Variants in CDS1 observed in about 807,000 individuals in gnomAD.
The protein encoded by CDS1 is CDP-diacylglycerol synthase 1.
A neutral mutation model predicts 62.1 loss-of-function variants in CDS1; 41 were observed. That is an observed-to-expected ratio of 0.66 (90% CI 0.51 to 0.86). CDS1 has a LOEUF of 0.86. Ranked by LOEUF, CDS1 falls within the 40% of genes least tolerant of loss-of-function variation. The pLI, the probability that CDS1 is intolerant of heterozygous loss-of-function variation, is 0.00. For missense variants in CDS1, 470 were observed against 550.1 expected (o/e 0.85, Z 1.46); for synonymous variants, 185 against 192.6 (o/e 0.96, Z 0.32).
rs568365631 is a variant in CDS1 at position 84,605,889 on chromosome 4, G to A, written c.245+1519G>A. ...CAGGTATATAAATGTGGAAACGTAG[G>A]CAGATATTATATATCAAGGGTCATG... On this transcript the variant is annotated intron_variant, in intron 2 of 12. Transcript: ENST00000295887. Among the ~76,000 whole-genome samples the A allele has an allele frequency of 3.3e-5, 5 of 152,154 alleles. No homozygotes were observed. The South Asian group carries it at 8.3e-4, about 25-fold the overall frequency.
At chr4:84,593,571 C>G (rs921273322) in intron 1 of CDS1, among the ~76,000 whole-genome samples, 9 of 151,784 alleles carry the variant, frequency 5.9e-5, no homozygotes, top group African/African-American at 1.9e-4. Context: ...GTGGCACAAT[C>G]TTGGCTCACT....
At chr4:84,645,178 G>C (rs755350972) in intron 11 of CDS1, 44 bp from the exon 12 acceptor site, 21 of 1,240,134 alleles carry the variant, frequency 1.7e-5, no homozygotes, top group Non-Finnish European at 2.4e-5. Context: ...TTTATAGCAG[G>C]TGATTTTTTG....
chr4:84,616,849 G>T (rs1158710119), intron 3 of CDS1, among the ~76,000 whole-genome samples: 2 of 152,200 alleles, frequency 1.3e-5, no homozygotes, highest in Non-Finnish European at 2.9e-5. Flanking sequence ...ATCAAAAAGG[G>T]ATTTATAAAT....
intron 1 of CDS1, among the ~76,000 whole-genome samples, chr4:84,590,891 T>C (rs939837702): frequency 2.0e-5 from 3 of 152,198 alleles, no homozygotes; most frequent in African/African-American, 7.2e-5. Flanking sequence ...ATTTTATGGC[T>C]ACATGGTATC....
intron 1 of CDS1, among the ~76,000 whole-genome samples, chr4:84,592,517 A>G (rs557624431): frequency 4.0e-4 from 61 of 152,248 alleles, no homozygotes; most frequent in African/African-American, 1.4e-3. Flanking sequence ...CAAGTTTATT[A>G]TGTAAGTATT....
intron 5 of CDS1, among the ~76,000 whole-genome samples, chr4:84,620,039 A>G (rs1723629151): frequency 6.6e-6 from 1 of 151,168 alleles, no homozygotes; most frequent in Non-Finnish European, 1.5e-5. Flanking sequence ...AAAAAAAAAA[A>G]AAGAAAGAAT....
intron 4 of CDS1, among the ~76,000 whole-genome samples, chr4:84,618,228 A>G (rs1030074882): frequency 9.2e-5 from 14 of 152,206 alleles, no homozygotes; most frequent in African/African-American, 3.4e-4. Context: ...CATCCTTTTT[A>G]ATATAGTTGA....
At chr4:84,608,020 A>C (rs2110050466) in intron 2 of CDS1, among the ~76,000 whole-genome samples, 1 of 152,246 alleles carries the variant, frequency 6.6e-6, no homozygotes, top group East Asian at 1.9e-4. Context: ...ATGGGGATGA[A>C]GTGTGAGGCT....
intron 1 of CDS1, among the ~76,000 whole-genome samples, chr4:84,596,248 T>C (rs1441595480): frequency 2.6e-5 from 4 of 152,166 alleles, no homozygotes; most frequent in Non-Finnish European, 4.4e-5. Context: ...TAGCTTCTGA[T>C]TGCTGCTAAA....
At chr4:84,584,917 C>A (rs1205344819) in intron 1 of CDS1, among the ~76,000 whole-genome samples, 2 of 152,220 alleles carry the variant, frequency 1.3e-5, no homozygotes, top group East Asian at 3.9e-4. Context: ...GGAAACTAGA[C>A]CCAAAATAGA....
At chr4:84,612,017 C>G (rs2110054859) in intron 3 of CDS1, among the ~76,000 whole-genome samples, 1 of 151,956 alleles carries the variant, frequency 6.6e-6, no homozygotes, top group East Asian at 2.0e-4. Context: ...GCAAGGAGTT[C>G]CACAAGTCTT....
At chr4:84,631,141 G>A (rs1372438810) in intron 5 of CDS1, among the ~76,000 whole-genome samples, 4 of 152,090 alleles carry the variant, frequency 2.6e-5, no homozygotes, top group Non-Finnish European at 5.9e-5. Context: ...ATTGCAAATT[G>A]TTCTTAACCT....
chr4:84,605,142 GT>G (rs1310649039), intron 2 of CDS1, among the ~76,000 whole-genome samples: 2 of 152,104 alleles, frequency 1.3e-5, no homozygotes, highest in African/African-American at 2.4e-5. Flanking sequence ...TTACATATTG[GT>G]GTAGAAAGAA....
At position 84,609,614 on chromosome 4, in the gene CDS1, G is replaced by T. The variant is rs1032262203; in HGVS notation, c.342+89G>T. 3.9e-6 allele frequency: 3 copies of T among 764,058 alleles called. No homozygotes were observed. In the Admixed American group the frequency reaches 6.7e-5, roughly 17 times the overall value. 47.3% of individuals were successfully genotyped at this position (764,058 alleles called of 1,614,324 possible). On this transcript the variant is annotated intron_variant, in intron 3 of 12. Coordinates refer to ENST00000295887, the MANE Select transcript of CDS1 (RefSeq NM_001263.4). The stretch of plus-strand genomic sequence containing the variant: ...AGTAATTTGAGCATATCATAAAAAA[G>T]AAGCTAATTCAACACTCAGTCACAG...
intron 1 of CDS1, among the ~76,000 whole-genome samples, chr4:84,591,543 G>A (rs1722591649): frequency 1.3e-5 from 2 of 152,076 alleles, no homozygotes; most frequent in Admixed American, 1.3e-4. Flanking sequence ...TTGAATTATG[G>A]ACTTTCCCTG....
At chr4:84,635,592 TGCC>T (rs1290097386) in intron 8 of CDS1, among the ~76,000 whole-genome samples, 1 of 69,736 alleles carries the variant, frequency 1.4e-5, no homozygotes, top group Non-Finnish European at 2.8e-5. Context: ...CCTGCCTGCC[TGCC>T]TGCCTGCCTG....
chr4:84,598,286 G>A (rs1722817910), intron 1 of CDS1, among the ~76,000 whole-genome samples: 1 of 152,018 alleles, frequency 6.6e-6, no homozygotes, highest in East Asian at 1.9e-4. Flanking sequence ...ATGTCTCTGT[G>A]GGTTTCCTTT....
chr4:84,592,320 C>G (rs1210924063), intron 1 of CDS1, among the ~76,000 whole-genome samples: 1 of 151,888 alleles, frequency 6.6e-6, no homozygotes, highest in Non-Finnish European at 1.5e-5. Flanking sequence ...TACAGGCACG[C>G]AGCACAAAAG....
intron 5 of CDS1, among the ~76,000 whole-genome samples, chr4:84,620,014 A>T (rs1723626465): frequency 7.5e-6 from 1 of 133,116 alleles, no homozygotes; most frequent in African/African-American, 3.1e-5. Flanking sequence ...CCTGGGCAAA[A>T]CTCTTATCTA....
Sources: gnomAD v4.1 joint callset for allele counts (sites outside exome capture counted in the v4.1 genomes callset) on GRCh38, gnomAD v4.1.1 for gene constraint, MANE v1.5 for transcripts, NCBI Gene and HGNC (gene_info 2026-07-23, HGNC 2026-07-21) for gene names.